PRMT3: variants seen among roughly 807,000 people sequenced by gnomAD.
PRMT3 encodes the protein protein arginine N-methyltransferase 3.
Under a neutral mutation model 71.9 loss-of-function variants are expected in PRMT3, and 62 were observed. The ratio of observed to expected loss-of-function variants is 0.86; its 90% confidence interval spans 0.70 to 1.07. The LOEUF (loss-of-function observed/expected upper bound fraction) is 1.07. Ranked by LOEUF, PRMT3 falls within the 50% of genes least tolerant of loss-of-function variation. The pLI is 0.00. For missense variants in PRMT3, 663 were observed against 643.0 expected, an observed-to-expected ratio of 1.03 and a Z score of -0.34; for synonymous variants, 213 against 220.4, an observed-to-expected ratio of 0.97 and a Z score of 0.30.
chr11:20,420,932 T>G (rs1849411514), intron 9 of PRMT3, among the ~76,000 whole-genome samples: 1 of 152,236 alleles, frequency 6.6e-6, no homozygotes. Context: ...TTTTTATGTT[T>G]ATGTATGTTT....
rs2133716936 is a variant in PRMT3 at position 20,509,178 on chromosome 11, A to G, written c.*765A>G. On this transcript the variant is annotated 3_prime_UTR_variant, in exon 16 of 16. Transcript: ENST00000331079. ...AAACCAGATTTATGTGCAAAGGTTA[A>G]ACATGTAACTGTTACTAAGCAGTCT... is the stretch of plus-strand genomic sequence containing the variant. 6.6e-6 allele frequency: 1 copy of G among 152,390 alleles called. No homozygotes were observed. The highest frequency in any genetic ancestry group is 2.4e-5 in the African/African-American group (1 of 41,596). The allele number at this position is 152,390 out of a possible 1,614,324, so 9.4% of individuals were successfully genotyped here. A position where few individuals can be genotyped will look rare whatever the true frequency, so the allele number is the denominator to read the frequency against.
intron 10 of PRMT3, among the ~76,000 whole-genome samples, chr11:20,441,133 C>G (rs1413176736): frequency 6.6e-6 from 1 of 151,688 alleles, no homozygotes; most frequent in Non-Finnish European, 1.5e-5. Flanking sequence ...ATTTTACTTT[C>G]TGGTACTAGA....
chr11:20,388,202 G>A (rs369672172), intron 2 of PRMT3, 48 bp downstream of exon 2: 13 of 1,608,602 alleles, frequency 8.1e-6, no homozygotes, highest in African/African-American at 8.0e-5. Flanking sequence ...GCCCGGGCGC[G>A]TGGGGTCTGT....
In PRMT3 at chr11:20,407,963, A is replaced by C. The variant is rs1244413875; in HGVS notation, c.824A>C (p.Lys275Thr). The change falls in exon 9 of 16, where the codon AAA becomes ACA. Residue 275 changes from lysine (K) to threonine (T), a missense_variant. Lys to Thr is a moderately conservative substitution (Grantham distance 78, BLOSUM62 -1). Transcript: ENST00000331079. ...GTGILSMFAA[K>T]AGAKKVLGVD... ...GGAATTCTCTCTATGTTTGCTGCTA[A>C]AGCTGGGGCGAAGAAGGTTCTTGGA... 1.2e-6 allele frequency: 2 copies of C among 1,608,986 alleles called. No homozygotes were observed. The highest frequency in any genetic ancestry group is 3.3e-5 in the Admixed American group (2 of 59,962).
chr11:20,435,681 T>G (rs1231203202), intron 10 of PRMT3, among the ~76,000 whole-genome samples: 1 of 152,206 alleles, frequency 6.6e-6, no homozygotes, highest in Non-Finnish European at 1.5e-5. Flanking sequence ...GGGTTCTCTA[T>G]TCAGTTATTT....
intron 7 of PRMT3, among the ~76,000 whole-genome samples, chr11:20,402,608 A>G (rs1268637840): frequency 6.6e-6 from 1 of 151,510 alleles, no homozygotes; most frequent in Non-Finnish European, 1.5e-5. Flanking sequence ...GGAGCAAAAC[A>G]TGTTCATCTT....
intron 13 of PRMT3, among the ~76,000 whole-genome samples, chr11:20,471,610 T>G (rs1850646726): frequency 6.6e-6 from 1 of 152,198 alleles, no homozygotes; most frequent in Non-Finnish European, 1.5e-5. Flanking sequence ...TTTTGGTTAC[T>G]GTAGCCATAT....
At chr11:20,473,373 A>G (rs1449943132) in intron 13 of PRMT3, among the ~76,000 whole-genome samples, 1 of 152,084 alleles carries the variant, frequency 6.6e-6, no homozygotes, top group Non-Finnish European at 1.5e-5. Context: ...ATTTAGTGCT[A>G]TATATTTCCC....
At chr11:20,434,415 A>G (rs1240312086) in intron 10 of PRMT3, among the ~76,000 whole-genome samples, 3 of 152,046 alleles carry the variant, frequency 2.0e-5, no homozygotes, top group African/African-American at 4.8e-5. Flanking sequence ...TTTTGTTGCA[A>G]TTGCTTTTGG....
intron 10 of PRMT3, among the ~76,000 whole-genome samples, chr11:20,430,118 A>C (rs1849624495): frequency 6.6e-6 from 1 of 152,238 alleles, no homozygotes; most frequent in African/African-American, 2.4e-5. Context: ...CAGCATTTTA[A>C]ACTTAAATTG....
intron 10 of PRMT3, among the ~76,000 whole-genome samples, chr11:20,437,302 T>C (rs1849781066): frequency 6.6e-6 from 1 of 152,212 alleles, no homozygotes; most frequent in African/African-American, 2.4e-5. Context: ...TCCTTCTACT[T>C]TGCTTTTCTA....
At chr11:20,408,261 A>T (rs7939054) in intron 9 of PRMT3, among the ~76,000 whole-genome samples, 147,995 of 152,076 alleles carry the variant, frequency 0.97, 72,338 homozygotes, top group Middle Eastern at 1. Flanking sequence ...TTTTATATTG[A>T]TTTCTGGCTT....
At chr11:20,504,468 A>G (rs1055947156) in intron 15 of PRMT3, among the ~76,000 whole-genome samples, 26 of 152,272 alleles carry the variant, frequency 1.7e-4, no homozygotes, top group African/African-American at 6.3e-4. Context: ...TGCCATATAA[A>G]TTTTAAAATC....
In PRMT3 at chr11:20,507,674, G is replaced by A. The variant is rs548991768; in HGVS notation, c.1487-630G>A. Among the ~76,000 whole-genome samples the A allele has an allele frequency of 7.2e-5, 11 of 152,262 alleles. No individual in the cohort carries two copies. The East Asian group carries it at 2.1e-3, about 29-fold the overall frequency. On this transcript the variant is annotated intron_variant, in intron 15 of 15. Transcript: ENST00000331079. ...CATGCCTGTAATCCCAGCTACTTGGGAGGCTGAGGCAGGAGAAATCACTTG... is the reference window on the plus strand; with the variant it reads ...CATGCCTGTAATCCCAGCTACTTGGAAGGCTGAGGCAGGAGAAATCACTTG...
At chr11:20,491,455 G>A (rs1851204342) in intron 13 of PRMT3, among the ~76,000 whole-genome samples, 1 of 152,144 alleles carries the variant, frequency 6.6e-6, no homozygotes, top group Admixed American at 6.6e-5. Flanking sequence ...AAATCTTAAG[G>A]ATGTTGATGT....
chr11:20,458,494 C>T lies in PRMT3; in HGVS notation c.1073-3486C>T, dbSNP rs577395450. Among the ~76,000 whole-genome samples the T allele has an allele frequency of 6.6e-5, 10 of 152,232 alleles. No individual in the cohort carries two copies. The East Asian group carries it at 1.9e-3, about 29-fold the overall frequency. ...TGGTCTGTTAAGAGCATGCTTTTGT[C>T]CAATCAGCGCTTTGTTAATTTCACC... On this transcript the variant is annotated intron_variant, in intron 11 of 15. Coordinates refer to ENST00000331079, the MANE Select transcript of PRMT3 (RefSeq NM_005788.4).
intron 9 of PRMT3, among the ~76,000 whole-genome samples, chr11:20,419,861 A>G (rs1649005699): frequency 6.6e-6 from 1 of 152,224 alleles, no homozygotes; most frequent in African/African-American, 2.4e-5. Context: ...TGCAAATGCA[A>G]GAATCCTAAT....
chr11:20,398,116 G>GA (rs1297036728), intron 7 of PRMT3, among the ~76,000 whole-genome samples: 3 of 151,346 alleles, frequency 2.0e-5, no homozygotes, highest in African/African-American at 4.9e-5. Flanking sequence ...TAAAATATTG[G>GA]AAAAACGACA....
At chr11:20,408,644 C>T (rs1478086252) in intron 9 of PRMT3, among the ~76,000 whole-genome samples, 2 of 152,098 alleles carry the variant, frequency 1.3e-5, no homozygotes, top group African/African-American at 4.8e-5. Context: ...ATTTGAAATC[C>T]AGCTGACACA....
Sources: allele counts gnomAD v4.1 joint callset (sites outside exome capture counted in the v4.1 genomes callset), GRCh38; gene constraint gnomAD v4.1.1; transcripts MANE v1.5; gene names NCBI Gene and HGNC (gene_info 2026-07-23, HGNC 2026-07-21).